The following KIF5C variants were observed in gnomAD, a reference collection of about 807,000 sequenced individuals.
KIF5C encodes the protein kinesin heavy chain isoform 5C.
KIF5C carries 18 observed loss-of-function variants against 125.2 expected under a neutral mutation model. The ratio of observed to expected loss-of-function variants is 0.14; its 90% CI spans 0.10 to 0.21. KIF5C has a LOEUF of 0.21. Ranked by LOEUF, KIF5C falls within the 10% of genes least tolerant of loss-of-function variation. The pLI is 1.00. For missense variants in KIF5C, 780 were observed against 1,183.8 expected (o/e 0.66, Z 5.01); for synonymous variants, 405 against 434.0 (o/e 0.93, Z 0.83).
chr2:148,937,280 C>T lies in KIF5C; in HGVS notation c.292-4C>T. 1.3e-6 allele frequency: 2 copies of T among 1,585,532 alleles called. No individual in the cohort carries two copies. The highest frequency in any genetic ancestry group is 1.2e-5 in the South Asian group (1 of 86,582). ...CTGCCCGTGTTTGTATTTTCGCCCA[C>T]TAGGGGAAGCTGCATGACCCCCAGC... On this transcript the variant is annotated splice_region_variant and splice_polypyrimidine_tract_variant and intron_variant, in intron 3 of 25. Coordinates refer to ENST00000435030, the MANE Select transcript of KIF5C (RefSeq NM_004522.3).
intron 3 of KIF5C, among the ~76,000 whole-genome samples, chr2:148,936,512 G>T (rs199576781): frequency 6.6e-6 from 1 of 152,282 alleles, no homozygotes; most frequent in East Asian, 1.9e-4. Context: ...AGATCCTAAG[G>T]CATCTTTTCT....
At position 148,875,340 on chromosome 2, in the gene KIF5C, G is replaced by A; in HGVS notation, c.-278G>A. On this transcript the variant is annotated 5_prime_UTR_variant, in exon 1 of 26. Coordinates refer to ENST00000435030, the MANE Select transcript of KIF5C (RefSeq NM_004522.3). ...TCCTCCGCCCGCCGCGTGGTCGCGGGCAGGTGGGCCGGGGGGCGCTGGGCA... is the reference window on the plus strand; with the variant it reads ...TCCTCCGCCCGCCGCGTGGTCGCGGACAGGTGGGCCGGGGGGCGCTGGGCA... 1 of 329,796 alleles carries A rather than the reference G, an allele frequency of 3.0e-6. No individual in the cohort carries two copies. Among genetic ancestry groups the A allele is most frequent in the Non-Finnish European group, 5.5e-6 (1 of 182,416 alleles). 20.4% of individuals were successfully genotyped at this position (329,796 alleles called of 1,614,324 possible). A position where few individuals can be genotyped will look rare whatever the true frequency, so the allele number is the denominator to read the frequency against.
At chr2:148,893,713 G>A (rs974418068) in intron 1 of KIF5C, among the ~76,000 whole-genome samples, 2 of 152,160 alleles carry the variant, frequency 1.3e-5, no homozygotes, top group African/African-American at 2.4e-5. Context: ...ACATGATTCC[G>A]AATGGGTACA....
At chr2:148,883,268 G>A (rs1461055736) in intron 1 of KIF5C, among the ~76,000 whole-genome samples, 3 of 152,104 alleles carry the variant, frequency 2.0e-5, no homozygotes, top group African/African-American at 2.4e-5. Flanking sequence ...TTGGGAGGCC[G>A]AGGTGGGTGG....
At chr2:148,952,791 A>G (rs1416819226) in intron 10 of KIF5C, among the ~76,000 whole-genome samples, 1 of 152,204 alleles carries the variant, frequency 6.6e-6, no homozygotes, top group African/African-American at 2.4e-5. Context: ...AAGGGCTGGC[A>G]TGAGTCCAGG....
chr2:149,004,576 G>GC (rs551797105), intron 21 of KIF5C, among the ~76,000 whole-genome samples: 1 of 152,088 alleles, frequency 6.6e-6, no homozygotes, highest in Non-Finnish European at 1.5e-5. Context: ...GGGAAAAAAT[G>GC]CCCCCAAGAT....
At chr2:148,968,409 AAC>A (rs1222242550) in intron 11 of KIF5C, among the ~76,000 whole-genome samples, 1 of 152,186 alleles carries the variant, frequency 6.6e-6, no homozygotes, top group African/African-American at 2.4e-5. Context: ...CCACAATTGG[AAC>A]ACAATTTGCT....
intron 25 of KIF5C, among the ~76,000 whole-genome samples, chr2:149,013,952 G>A (rs1682285593): frequency 6.6e-6 from 1 of 151,902 alleles, no homozygotes; most frequent in Non-Finnish European, 1.5e-5. Context: ...TTAAGTTCTG[G>A]GATACATGTG....
At chr2:148,918,483 T>A (rs531846516) in intron 1 of KIF5C, among the ~76,000 whole-genome samples, 2 of 152,200 alleles carry the variant, frequency 1.3e-5, no homozygotes, top group South Asian at 4.1e-4. Flanking sequence ...TAGAGAGTGA[T>A]ACCTGGGTGG....
At chr2:148,974,603 C>T (rs999992992) in intron 12 of KIF5C, among the ~76,000 whole-genome samples, 1 of 152,180 alleles carries the variant, frequency 6.6e-6, no homozygotes, top group African/African-American at 2.4e-5. Context: ...CCTTTAGGCT[C>T]CACGCATACC....
intron 3 of KIF5C, among the ~76,000 whole-genome samples, chr2:148,936,359 A>G (rs1293259188): frequency 1.3e-5 from 2 of 152,226 alleles, no homozygotes; most frequent in African/African-American, 4.8e-5. Flanking sequence ...TTAAACCTGC[A>G]GACTGTGTGT....
chr2:148,896,857 G>A (rs1680690732), intron 1 of KIF5C, among the ~76,000 whole-genome samples: 1 of 151,950 alleles, frequency 6.6e-6, no homozygotes, highest in South Asian at 2.1e-4. Flanking sequence ...TTCTGATGGA[G>A]TCTCACTCTG....
chr2:148,934,084 CAT>C (rs1682233753), intron 3 of KIF5C, among the ~76,000 whole-genome samples: 1 of 143,078 alleles, frequency 7.0e-6, no homozygotes, highest in Admixed American at 6.7e-5. Flanking sequence ...CACACACAGA[CAT>C]ATATATCACA....
At chr2:148,889,434 G>C (rs781189644) in intron 1 of KIF5C, among the ~76,000 whole-genome samples, 4 of 152,204 alleles carry the variant, frequency 2.6e-5, no homozygotes, top group Non-Finnish European at 5.9e-5. Flanking sequence ...GGGCTATATA[G>C]AGGGAGGAAG....
At chr2:148,883,342 A>C (rs1681420936) in intron 1 of KIF5C, among the ~76,000 whole-genome samples, 1 of 152,150 alleles carries the variant, frequency 6.6e-6, no homozygotes. Context: ...TCTACTAAAA[A>C]TACAAAAAAT....
intron 14 of KIF5C, 109 bp downstream of exon 14, chr2:148,981,670 T>A: frequency 6.9e-7 from 1 of 1,449,218 alleles, no homozygotes; most frequent in Admixed American, 2.7e-5. Flanking sequence ...TGAATAGTTA[T>A]TCAGTGTTAG....
intron 1 of KIF5C, chr2:148,879,192 A>G (rs1366742646): frequency 6.6e-6 from 1 of 152,204 alleles, no homozygotes; most frequent in Non-Finnish European, 1.5e-5. Flanking sequence ...AGCTTTGGTC[A>G]TATGCCTAAT....
chr2:148,947,283 G>T, intron 8 of KIF5C: 17 of 315,864 alleles, frequency 5.4e-5, no homozygotes, highest in East Asian at 6.6e-5. Context: ...ATGATATGAG[G>T]CAACAGTTGG....
Position 148,875,575 on chromosome 2 carries a change from G to GCCCCCCCCCCCATCCCCTGGCCCC in KIF5C, c.-37_-36insCCCCCATCCCCTGGCCCCCCCCCC. On this transcript the variant is annotated 5_prime_UTR_variant, in exon 1 of 26. Transcript: ENST00000435030. ...TCCTCCCTCGTCGTTCCCGGCCCCG[G>GCCCCCCCCCCCATCCCCTGGCCCC]CCCCCCACCCATCCCCGTGCCCCCT... 1.4e-6 allele frequency: 1 copy of GCCCCCCCCCCCATCCCCTGGCCCC among 699,606 alleles called. No homozygotes were observed. Among genetic ancestry groups the GCCCCCCCCCCCATCCCCTGGCCCC allele is most frequent in the Admixed American group, 2.2e-5 (1 of 46,070 alleles). 43.3% of individuals were successfully genotyped at this position (699,606 alleles called of 1,614,324 possible). A position where few individuals can be genotyped will look rare whatever the true frequency, so the allele number is the denominator to read the frequency against.
Sources: allele counts gnomAD v4.1 joint callset (sites outside exome capture counted in the v4.1 genomes callset), GRCh38; gene constraint gnomAD v4.1.1; transcripts MANE v1.5; gene names NCBI Gene and HGNC (gene_info 2026-07-23, HGNC 2026-07-21).